The following LTN1 variants were observed in gnomAD, a reference collection of about 807,000 sequenced individuals.
LTN1 encodes E3 ubiquitin-protein ligase listerin.
Under a neutral mutation model 201.2 loss-of-function variants are expected in LTN1, and 88 were observed. That is an observed-to-expected ratio of 0.44 (90% CI 0.37 to 0.52). LTN1 has a LOEUF of 0.52. LTN1 is among the 20% of genes least tolerant of loss of function. The probability of loss-of-function intolerance (pLI) is 0.00; values close to 1 mark genes in which losing one functional copy is unlikely to be tolerated. For synonymous variants in LTN1, 645 were observed against 713.5 expected, an observed-to-expected ratio of 0.90 and a Z score of 1.53; for missense variants, 1,752 against 2,038.7, an observed-to-expected ratio of 0.86 and a Z score of 2.71.
intron 6 of LTN1, among the ~76,000 whole-genome samples, chr21:28,977,826 G>A (rs906128006): frequency 2.0e-5 from 3 of 152,146 alleles, no homozygotes; most frequent in African/African-American, 7.2e-5. Context: ...TACTCGGGAG[G>A]CTAAGGGAGG....
chr21:28,933,801 C>T (rs952092011), intron 27 of LTN1, among the ~76,000 whole-genome samples: 7 of 151,948 alleles, frequency 4.6e-5, no homozygotes, highest in African/African-American at 1.2e-4. Context: ...CTCAGCCTCC[C>T]GAGTAGCTGG....
intron 27 of LTN1, 95 bp downstream of exon 27, chr21:28,935,014 C>G: frequency 1.2e-6 from 1 of 837,130 alleles, no homozygotes; most frequent in East Asian, 2.6e-5. Context: ...TCTATAAATT[C>G]TGAGTTAAGA....
rs956233413 is a variant in LTN1, at chr21:28,964,863, C to G, written c.2163+1002G>C. ...ATCAAGGAGCTTTCTGATAATTTAG[C>G]TCTTCATGTAACTTGGCTACAGGGA... On this transcript the variant is annotated intron_variant, in intron 11 of 29. Coordinates refer to ENST00000361371, the MANE Select transcript of LTN1 (RefSeq NM_015565.3). 1.9e-5 allele frequency: 27 copies of G among 1,393,256 alleles called. No individual in the cohort carries two copies. The African/African-American group carries it at 2.2e-4, about 11-fold the overall frequency. 86.3% of individuals were successfully genotyped at this position (1,393,256 alleles called of 1,614,324 possible).
chr21:28,950,508 T>C (rs2084373603), intron 18 of LTN1, among the ~76,000 whole-genome samples: 1 of 152,174 alleles, frequency 6.6e-6, no homozygotes, highest in South Asian at 2.1e-4. Context: ...ATTCCATTTA[T>C]ATAATATCAT....
chr21:28,992,669 A>G (rs1030289589), intron 1 of LTN1, 95 bp downstream of exon 1: 7 of 1,421,362 alleles, frequency 4.9e-6, no homozygotes, highest in African/African-American at 1.4e-5. Flanking sequence ...ACGCCTCCCT[A>G]CAGCCGCGCT....
chr21:28,947,533 T>C lies in LTN1; in HGVS notation c.3418A>G (p.Lys1140Glu). ...GGTATACATTGAGCACTAAATTCTT[T>C]CTTTTCTTCTTTTGACAAAAATGGA... ...LCPFLSKEEK[K>E]EFSAQCIPAL... The change falls in exon 19 of 30, where the codon AAA becomes GAA. Residue 1140 changes from lysine (K) to glutamate (E), a missense_variant. By Grantham distance (56) the Lys-to-Glu change is moderately conservative (BLOSUM62 1). This residue lies in a region of LTN1 where 1,211 missense variants were observed against 1,312.8 expected (regional missense o/e 0.92). Coordinates refer to ENST00000361371, the MANE Select transcript of LTN1 (RefSeq NM_015565.3). 1.3e-6 allele frequency: 2 copies of C among 1,594,984 alleles called. No individual in the cohort carries two copies. The highest frequency in any genetic ancestry group is 1.7e-6 in the Non-Finnish European group (2 of 1,172,870).
intron 20 of LTN1, 31 bp from the exon 21 acceptor site, chr21:28,945,982 AAAGAT>A (rs2084334261): frequency 8.3e-6 from 13 of 1,570,272 alleles, no homozygotes; most frequent in Non-Finnish European, 1.1e-5. Context: ...AAAGACAATA[AAAGAT>A]TATATTGACA....
At position 28,935,146 on chromosome 21, in the gene LTN1, G is replaced by A; in HGVS notation, c.4838C>T (p.Ser1613Phe). Residue 1613 changes from serine (S) to phenylalanine (F), a missense_variant, in exon 27 of 30, where the codon TCT becomes TTT. By Grantham distance (155) the Ser-to-Phe change is radical. This residue lies in a region of LTN1 where 261 missense variants were observed against 350.1 expected (regional missense o/e 0.75). Transcript: ENST00000361371. ...AAATAGTTGTGTACTTGTTTGTACA[G>A]AAGATATTTCTTGAAAAGAAAGAAC... is the stretch of plus-strand genomic sequence containing the variant. ...SSVLSFQEIS[S>F]VQTSTQLFNG... is the part of the protein sequence containing the mutation. The A allele has an allele frequency of 6.2e-7, 1 of 1,612,690 alleles. No individual in the cohort carries two copies. Among genetic ancestry groups the A allele is most frequent in the Non-Finnish European group, 8.5e-7 (1 of 1,178,800 alleles).
At chr21:28,974,445 G>A (rs1238332333) in intron 6 of LTN1, among the ~76,000 whole-genome samples, 1 of 152,156 alleles carries the variant, frequency 6.6e-6, no homozygotes, top group Non-Finnish European at 1.5e-5. Context: ...ACAACTACCT[G>A]AGGACTCTGG....
At chr21:28,932,448 A>C (rs1428098330) in intron 28 of LTN1, 22 bp downstream of exon 28, 1 of 1,600,474 alleles carries the variant, frequency 6.2e-7, no homozygotes, top group Non-Finnish European at 8.5e-7. Context: ...TTGTAAAGCC[A>C]AATGTGTAAA....
At chr21:28,981,397 C>A (rs1248039055) in intron 5 of LTN1, 98 bp from the exon 6 acceptor site, 1 of 649,078 alleles carries the variant, frequency 1.5e-6, no homozygotes, top group Non-Finnish European at 2.3e-6. Context: ...TAAATATCTA[C>A]CAAAGTTGCT....
intron 18 of LTN1, among the ~76,000 whole-genome samples, chr21:28,951,832 T>C (rs1050271599): frequency 6.6e-6 from 1 of 151,816 alleles, no homozygotes; most frequent in African/African-American, 2.4e-5. Flanking sequence ...TAGCCAGGTG[T>C]GGTAGTGCAC....
At chr21:28,989,528 T>A (rs1032099557) in intron 1 of LTN1, among the ~76,000 whole-genome samples, 1 of 151,952 alleles carries the variant, frequency 6.6e-6, no homozygotes, top group Non-Finnish European at 1.5e-5. Flanking sequence ...GCTTCTAGAG[T>A]TATTTGTGGT....
In LTN1 at chr21:28,960,460, C is replaced by T. The variant is rs111378758; in HGVS notation, c.2353+57G>A. 4.2e-4 allele frequency: 581 copies of T among 1,382,328 alleles called. 3 individuals carry two copies. The African/African-American group carries it at 7.7e-3, about 18-fold the overall frequency. The allele number at this position is 1,382,328 out of a possible 1,614,324, so 85.6% of individuals were successfully genotyped here. A position where few individuals can be genotyped will look rare whatever the true frequency, so the allele number is the denominator to read the frequency against. On this transcript the variant is annotated intron_variant, in intron 12 of 29. Coordinates refer to ENST00000361371, the MANE Select transcript of LTN1 (RefSeq NM_015565.3). ...CATAAGCTGAGCCCCATGCAATCCC[C>T]CACAAAGGAGAAATGGACTATTCCC...
rs183572524 is a variant in LTN1 at position 28,960,656 on chromosome 21, G to A, written c.2214C>T (p.Gly738=). Residue 738 remains glycine, a synonymous_variant, in exon 12 of 30, where the codon GGC becomes GGT. Transcript: ENST00000361371. ...TGACCAATTTCTCACCAAGGATATC[G>A]CCTTTGAGCCAAGGAGTTACTAAAG... The part of the protein sequence containing the change: ...KHALVTPWLK[G]DILGEKLVNL... 7.5e-5 allele frequency: 121 copies of A among 1,613,944 alleles called. No homozygotes were observed. In the East Asian group the frequency reaches 2.3e-3, roughly 31 times the overall value.
chr21:28,985,604 T>C (rs2084692037), intron 3 of LTN1, among the ~76,000 whole-genome samples: 1 of 151,742 alleles, frequency 6.6e-6, no homozygotes, highest in South Asian at 2.1e-4. Flanking sequence ...AGTAACAACC[T>C]AATTTCTGAA....
intron 26 of LTN1, among the ~76,000 whole-genome samples, chr21:28,935,784 G>A (rs1222751149): frequency 6.7e-6 from 1 of 149,018 alleles, no homozygotes; most frequent in Non-Finnish European, 1.5e-5. Flanking sequence ...AGCTTGCAGT[G>A]AGCCGAGATC....
chr21:28,969,920 G>A (rs1343737154), intron 8 of LTN1, among the ~76,000 whole-genome samples: 1 of 151,634 alleles, frequency 6.6e-6, no homozygotes, highest in African/African-American at 2.4e-5. Flanking sequence ...CTGGCCTCAA[G>A]CAATCCTCCC....
intron 15 of LTN1, 110 bp from the exon 16 acceptor site, chr21:28,957,058 G>A: frequency 1.3e-6 from 1 of 758,064 alleles, no homozygotes; most frequent in Non-Finnish European, 2.0e-6. Flanking sequence ...AAACCTAGAA[G>A]TTTGTTTTCT....
Sources: gnomAD v4.1 joint callset for allele counts (sites outside exome capture counted in the v4.1 genomes callset) on GRCh38, gnomAD v4.1.1 for gene constraint, gnomAD v4.1.1 regional missense constraint, MANE v1.5 for transcripts, NCBI Gene and HGNC (gene_info 2026-07-23, HGNC 2026-07-21) for gene names.